P4HTM: variants seen among roughly 807,000 people sequenced by gnomAD.
P4HTM encodes the protein prolyl 4-hydroxylase, transmembrane.
Under a neutral mutation model 55.3 loss-of-function variants are expected in P4HTM, and 33 were observed. The ratio of observed to expected loss-of-function variants is 0.60; its 90% CI spans 0.45 to 0.80. P4HTM has a LOEUF of 0.80. Among genes scored for constraint, P4HTM ranks in the 30% least tolerant of loss-of-function variants. The probability of loss-of-function intolerance (pLI) is 0.00; values close to 1 mark genes in which losing one functional copy is unlikely to be tolerated. For synonymous variants in P4HTM, 272 were observed against 286.4 expected (o/e 0.95, Z 0.51); for missense variants, 542 against 696.5 (o/e 0.78, Z 2.50).
At position 49,002,497 on chromosome 3, in the gene P4HTM, T is replaced by C. The variant is rs1479505465; in HGVS notation, c.628-3T>C. On this transcript the variant is annotated splice_polypyrimidine_tract_variant and splice_region_variant and intron_variant, in intron 3 of 8. Transcript: ENST00000383729. The surrounding 1 kb of genome is among the most constrained non-coding windows in gnomAD (Gnocchi z 4.4). ...CCCACTGAGGGACCCTCTTATGCTT[T>C]AGGTTCTGGCCCAGACTCGCCTGGG... The C allele has an allele frequency of 6.2e-7, 1 of 1,611,992 alleles. No homozygotes were observed. Among genetic ancestry groups the C allele is most frequent in the Admixed American group, 1.7e-5 (1 of 60,022 alleles).
chr3:48,993,994 C>T (rs1200197577), intron 2 of P4HTM, among the ~76,000 whole-genome samples: 1 of 151,930 alleles, frequency 6.6e-6, no homozygotes, highest in Admixed American at 6.6e-5. Flanking sequence ...ATCTCTGTTT[C>T]TGCAGATGAA....
chr3:48,993,771 A>G (rs1026819557), intron 2 of P4HTM, among the ~76,000 whole-genome samples: 1 of 148,410 alleles, frequency 6.7e-6, no homozygotes, highest in Admixed American at 6.8e-5. Context: ...CTGAGGCAGG[A>G]GAATTGCTTG....
chr3:49,005,121 C>G, intron 6 of P4HTM, 75 bp downstream of exon 6: 1 of 1,613,052 alleles, frequency 6.2e-7, no homozygotes, highest in African/African-American at 1.3e-5. Context: ...CAGCCCTGCA[C>G]TGTGGGCGTG....
At chr3:49,005,747 G>C (rs747970543) in intron 6 of P4HTM, 30 bp from the exon 7 acceptor site, 2 of 1,575,858 alleles carry the variant, frequency 1.3e-6, no homozygotes, top group East Asian at 4.5e-5. Flanking sequence ...CACAACTGGG[G>C]ACCTGCTCAG....
At chr3:49,005,412 G>C (rs182915163) in intron 6 of P4HTM, 495 of 1,400,880 alleles carry the variant, frequency 3.5e-4, no homozygotes, top group Admixed American at 6.1e-4. Flanking sequence ...CCCCTGTCAA[G>C]CCAGTTCTTT....
At chr3:49,005,753 C>A in intron 6 of P4HTM, 24 bp from the exon 7 acceptor site, 1 of 1,585,554 alleles carries the variant, frequency 6.3e-7, no homozygotes, top group Non-Finnish European at 8.6e-7. Flanking sequence ...TGGGGACCTG[C>A]TCAGTGCCCC....
At chr3:49,003,984 A>G in intron 4 of P4HTM, 114 bp from the exon 5 acceptor site, 3 of 1,012,864 alleles carry the variant, frequency 3.0e-6, no homozygotes, top group Non-Finnish European at 4.3e-6. Context: ...AAGGCCCCTC[A>G]GTGCCTGAGG....
Position 49,002,532 on chromosome 3 carries a change from G to C in P4HTM, c.660G>C (p.Trp220Cys). The change falls in exon 4 of 9, where the codon TGG becomes TGC. Residue 220 changes from tryptophan to cysteine, a missense_variant. By Grantham distance (215) the Trp-to-Cys change is radical. Transcript: ENST00000383729. This position sits in a 1 kb window ranked among gnomAD's most constrained non-coding sequence, Gnocchi z 4.4. ...CCCAGACTCGCCTGGGAAATGGATG[G>C]TGGATGACTCCAGAGAGCATTCAGG... ...VLAQTRLGNG[W>C]WMTPESIQEM... 6.2e-7 allele frequency: 1 copy of C among 1,614,140 alleles called. No homozygotes were observed. Among genetic ancestry groups the C allele is most frequent in the Non-Finnish European group, 8.5e-7 (1 of 1,179,994 alleles).
chr3:49,006,961 G>A lies in P4HTM; in HGVS notation c.*54G>A. The A allele has an allele frequency of 7.1e-7, 1 of 1,416,966 alleles. No individual in the cohort carries two copies. The highest frequency in any genetic ancestry group is 9.7e-7 in the Non-Finnish European group (1 of 1,027,200). 87.8% of individuals were successfully genotyped at this position (1,416,966 alleles called of 1,614,324 possible). A position where few individuals can be genotyped will look rare whatever the true frequency, so the allele number is the denominator to read the frequency against. On this transcript the variant is annotated 3_prime_UTR_variant, in exon 9 of 9. Transcript: ENST00000383729. ...CGGGTCGCCAGTTGCCCAAGATCAG[G>A]GGTCCGGCTGTCCTTCTGTCCTGCT... is the stretch of plus-strand genomic sequence containing the variant.
In P4HTM at chr3:49,005,818, G is replaced by A; in HGVS notation, c.1115G>A (p.Gly372Glu). 6.3e-7 allele frequency: 1 copy of A among 1,585,918 alleles called. No individual in the cohort carries two copies. Among genetic ancestry groups the A allele is most frequent in the Non-Finnish European group, 8.6e-7 (1 of 1,167,364 alleles). ...VLFYLNNVTG[G>E]GETVFPVADN... is the part of the protein sequence containing the mutation. ...TTTTATTTGAACAACGTCACTGGTG[G>A]GGGCGAGACTGTTTTCCCTGTAGCA... The change falls in exon 7 of 9, where the codon GGG (glycine) becomes GAG (glutamate). Residue 372 changes from glycine to glutamate, a missense_variant. Transcript: ENST00000383729.
chr3:48,990,248 C>G lies in P4HTM; in HGVS notation c.-9C>G. ...CCCCTCCCCTGGGCGCGCGCGCGAC[C>G]TGGGTGCCATGGCGGCAGCGGCGGT... On this transcript the variant is annotated 5_prime_UTR_variant, in exon 1 of 9. Transcript: ENST00000383729. This position sits in a 1 kb window ranked among gnomAD's most constrained non-coding sequence, Gnocchi z 7.2. The G allele has an allele frequency of 8.3e-7, 1 of 1,197,666 alleles. No homozygotes were observed. Among genetic ancestry groups the G allele is most frequent in the Non-Finnish European group, 1.0e-6 (1 of 966,714 alleles). 74.2% of individuals were successfully genotyped at this position (1,197,666 alleles called of 1,614,324 possible).
intron 2 of P4HTM, chr3:49,001,221 A>G (rs2092960104): frequency 3.4e-6 from 2 of 592,024 alleles, no homozygotes; most frequent in South Asian, 3.8e-5. Flanking sequence ...TGCTCTCATC[A>G]TCAAGAGAGG....
chr3:48,992,869 G>T (rs929052479), intron 2 of P4HTM, among the ~76,000 whole-genome samples: 1 of 151,454 alleles, frequency 6.6e-6, no homozygotes, highest in Non-Finnish European at 1.5e-5. Flanking sequence ...CTTTCACCGT[G>T]TTAGCCAGGA....
rs889907942 is a variant in P4HTM, at chr3:48,990,268, G to A, written c.12G>A (p.Ala4=). The stretch of plus-strand genomic sequence containing the variant: ...GCGACCTGGGTGCCATGGCGGCAGC[G>A]GCGGTGACAGGCCAGCGGCCTGAGA... MAA[A]AVTGQRPETA... Residue 4 remains alanine (A), a synonymous_variant, in exon 1 of 9, where the codon GCG becomes GCA. Coordinates refer to ENST00000383729, the MANE Select transcript of P4HTM (RefSeq NM_177939.3). This position sits in a 1 kb window ranked among gnomAD's most constrained non-coding sequence, Gnocchi z 7.2. 43 of 1,218,130 alleles carry A rather than the reference G, an allele frequency of 3.5e-5. No homozygotes were observed. Among genetic ancestry groups the A allele is most frequent in the Non-Finnish European group, 4.2e-5 (41 of 979,672 alleles). The allele number at this position is 1,218,130 out of a possible 1,614,324, so 75.5% of individuals were successfully genotyped here.
chr3:48,991,161 C>T (rs2078857287), intron 2 of P4HTM: 6 of 488,244 alleles, frequency 1.2e-5, no homozygotes, highest in Non-Finnish European at 1.8e-5. Flanking sequence ...GGTGTCTAAA[C>T]GTTTCATTGC....
upstream of P4HTM, chr3:48,990,196 G>A: frequency 9.0e-7 from 1 of 1,116,162 alleles, no homozygotes; most frequent in Non-Finnish European, 1.1e-6. The surrounding 1 kb of genome is among the most constrained non-coding windows in gnomAD (Gnocchi z 7.2). Context: ...TTGTCCGGGC[G>A]ACTGCGCAGC....
At position 49,005,841 on chromosome 3, in the gene P4HTM, G is replaced by C; in HGVS notation, c.1138G>C (p.Ala380Pro). The C allele has an allele frequency of 6.4e-7, 1 of 1,564,352 alleles. No individual in the cohort carries two copies. Among genetic ancestry groups the C allele is most frequent in the Non-Finnish European group, 8.6e-7 (1 of 1,157,752 alleles). ...TGGGETVFPV[A>P]DNRTYDEMSL... is the part of the protein sequence containing the mutation. The stretch of plus-strand genomic sequence containing the variant: ...TGGGGGCGAGACTGTTTTCCCTGTA[G>C]CAGATAACAGAACCTACGATGAAAT... Residue 380 changes from alanine (A) to proline (P), a missense_variant, in exon 7 of 9, where the codon GCA becomes CCA. Physicochemically the swap from Ala to Pro is conservative, Grantham distance 27. Coordinates refer to ENST00000383729, the MANE Select transcript of P4HTM (RefSeq NM_177939.3).
chr3:49,002,747 C>A lies in P4HTM; in HGVS notation c.724+151C>A. 1 of 722,518 alleles carries A rather than the reference C, an allele frequency of 1.4e-6. No individual in the cohort carries two copies. Among genetic ancestry groups the A allele is most frequent in the Non-Finnish European group, 2.5e-6 (1 of 400,296 alleles). The allele number at this position is 722,518 out of a possible 1,614,324, so 44.8% of individuals were successfully genotyped here. On this transcript the variant is annotated intron_variant, in intron 4 of 8. Coordinates refer to ENST00000383729, the MANE Select transcript of P4HTM (RefSeq NM_177939.3). This position sits in a 1 kb window ranked among gnomAD's most constrained non-coding sequence, Gnocchi z 4.4. ...CAGAGATGGGGAGGTGAAGATCCAG[C>A]CTTGCTTTTTACCCCTGGGAAGTAG...
Position 49,004,180 on chromosome 3 carries a change from T to C in P4HTM, c.807T>C (p.Ser269=), listed in dbSNP as rs1347707962. The change falls in exon 5 of 9, where the codon AGT becomes AGC. Residue 269 remains serine (S), a synonymous_variant. Transcript: ENST00000383729. The stretch of plus-strand genomic sequence containing the variant: ...TGAGGAGCCACAAGGCAGAGTCCAG[T>C]GAGCTGGTGCGGAACAGCCACCATA... The part of the protein sequence containing the change: ...KYMRSHKAES[S]ELVRNSHHTW... The C allele has an allele frequency of 6.5e-7, 1 of 1,550,176 alleles. No individual in the cohort carries two copies. The highest frequency in any genetic ancestry group is 1.2e-5 in the South Asian group (1 of 84,032).
Sources: gnomAD v4.1 joint callset for allele counts (sites outside exome capture counted in the v4.1 genomes callset) on GRCh38, gnomAD v4.1.1 for gene constraint, Gnocchi (gnomAD v3.1) non-coding constraint, MANE v1.5 for transcripts, NCBI Gene and HGNC (gene_info 2026-07-23, HGNC 2026-07-21) for gene names.